LARGE1: variants seen among roughly 807,000 people sequenced by gnomAD.
LARGE1 encodes the protein LARGE xylosyl- and glucuronyltransferase 1, also known as xylosyl- and glucuronyltransferase LARGE1.
LARGE1 carries 43 observed loss-of-function variants against 87.6 expected under a neutral mutation model. The observed-to-expected ratio is 0.49, with a 90% confidence interval of 0.38 to 0.63. The LOEUF (loss-of-function observed/expected upper bound fraction) is 0.63. LARGE1 is among the 30% of genes least tolerant of loss of function. The pLI, the probability that LARGE1 is intolerant of heterozygous loss-of-function variation, is 0.00. For missense variants in LARGE1, 802 were observed against 1,000.2 expected (o/e 0.80, Z 2.67); for synonymous variants, 434 against 394.6 (o/e 1.10, Z -1.18).
At position 33,283,437 on chromosome 22, in the gene LARGE1, G is replaced by A. The variant is rs1602230750; in HGVS notation, c.1731-89C>T. The A allele has an allele frequency of 3.3e-5, 47 of 1,417,542 alleles. No homozygotes were observed. The South Asian group carries it at 3.4e-4, about 10-fold the overall frequency. 87.8% of individuals were successfully genotyped at this position (1,417,542 alleles called of 1,614,324 possible). A position where few individuals can be genotyped will look rare whatever the true frequency, so the allele number is the denominator to read the frequency against. ...ATGAGGGCGGGGTGGTCATTGGCCC[G>A]GGGAAGTGTGGGAAAGAAAGCTCAG... is the stretch of plus-strand genomic sequence containing the variant. On this transcript the variant is annotated intron_variant, in intron 12 of 14. Transcript: ENST00000397394.
intron 2 of LARGE1, among the ~76,000 whole-genome samples, chr22:33,670,814 G>C (rs2081385375): frequency 6.6e-6 from 1 of 152,112 alleles, no homozygotes; most frequent in Admixed American, 6.6e-5. Flanking sequence ...AAATAAATGT[G>C]GATAAGAGTG....
chr22:33,835,467 G>A (rs773208386), intron 1 of LARGE1, among the ~76,000 whole-genome samples: 1 of 152,110 alleles, frequency 6.6e-6, no homozygotes, highest in Non-Finnish European at 1.5e-5. Context: ...TTAATGCATC[G>A]GATGGCATTC....
intron 7 of LARGE1, among the ~76,000 whole-genome samples, chr22:33,415,155 C>A (rs1485925256): frequency 6.6e-6 from 1 of 152,196 alleles, no homozygotes; most frequent in Non-Finnish European, 1.5e-5. Flanking sequence ...CCCAGCTGCA[C>A]AAAGGCAGAT....
At chr22:33,364,148 G>A (rs936602390) in intron 9 of LARGE1, among the ~76,000 whole-genome samples, 4 of 151,714 alleles carry the variant, frequency 2.6e-5, no homozygotes, top group African/African-American at 7.3e-5. Context: ...TCCGCCCCCC[G>A]GGTTCACGCC....
intron 13 of LARGE1, among the ~76,000 whole-genome samples, chr22:33,279,969 G>A (rs974241763): frequency 6.6e-5 from 10 of 152,190 alleles, no homozygotes; most frequent in Admixed American, 2.0e-4. Context: ...TTAATTAGCC[G>A]TTAATTTCCT....
chr22:33,245,507 TTTGA>T (rs1309056220), intron 11 of LARGE1, among the ~76,000 whole-genome samples: 2 of 152,226 alleles, frequency 1.3e-5, no homozygotes, highest in East Asian at 1.9e-4. Context: ...TAGCCATTAG[TTTGA>T]TTGTGCTTTG....
chr22:33,481,566 T>C (rs1359936184), intron 6 of LARGE1, among the ~76,000 whole-genome samples: 1 of 152,174 alleles, frequency 6.6e-6, no homozygotes, highest in East Asian at 1.9e-4. Context: ...TCATTTGTCT[T>C]CTTGTCAAAC....
intron 1 of LARGE1, among the ~76,000 whole-genome samples, chr22:33,840,118 A>C (rs2063233910): frequency 6.6e-6 from 1 of 152,242 alleles, no homozygotes; most frequent in Admixed American, 6.5e-5. Context: ...CAGGAAATGC[A>C]CACCCATACT....
intron 9 of LARGE1, among the ~76,000 whole-genome samples, chr22:33,350,384 G>T (rs184012065): frequency 1.3e-5 from 2 of 152,316 alleles, no homozygotes; most frequent in East Asian, 3.9e-4. Flanking sequence ...GTGATAACCA[G>T]CCCGTATTCT....
intron 1 of LARGE1, among the ~76,000 whole-genome samples, chr22:33,889,942 C>CAG (rs1354389793): frequency 2.6e-5 from 4 of 152,216 alleles, no homozygotes; most frequent in African/African-American, 9.6e-5. Flanking sequence ...GAGGAACACA[C>CAG]AGGCAAATGC....
At chr22:33,499,139 C>A (rs1288002427) in intron 6 of LARGE1, among the ~76,000 whole-genome samples, 2 of 152,178 alleles carry the variant, frequency 1.3e-5, no homozygotes, top group Non-Finnish European at 2.9e-5. Flanking sequence ...ACCTTCCACA[C>A]CTTGAGGCTG....
At chr22:33,765,097 T>TAAA (rs2084859020) in intron 1 of LARGE1, among the ~76,000 whole-genome samples, 5 of 152,324 alleles carry the variant, frequency 3.3e-5, no homozygotes, top group Non-Finnish European at 7.3e-5. Context: ...ATATAGCTGC[T>TAAA]TATGTAATTC....
intron 1 of LARGE1, among the ~76,000 whole-genome samples, chr22:33,868,371 T>A (rs987738496): frequency 2.4e-4 from 36 of 152,216 alleles, no homozygotes; most frequent in Non-Finnish European, 4.0e-4. Context: ...AAAATGCCTG[T>A]CTTGAATACC....
intron 1 of LARGE1, among the ~76,000 whole-genome samples, chr22:33,819,818 G>T (rs1188557207): frequency 2.0e-5 from 3 of 152,194 alleles, no homozygotes; most frequent in African/African-American, 7.2e-5. Context: ...TGGGCCATTT[G>T]TGGACAGCTA....
At chr22:33,215,589 T>C (rs923792276) in intron 11 of LARGE1, among the ~76,000 whole-genome samples, 1 of 152,234 alleles carries the variant, frequency 6.6e-6, no homozygotes, top group Non-Finnish European at 1.5e-5. Flanking sequence ...AAACTGTCAA[T>C]AATCTCCTTT....
intron 6 of LARGE1, among the ~76,000 whole-genome samples, chr22:33,553,562 C>A (rs1023475850): frequency 1.3e-5 from 2 of 152,088 alleles, no homozygotes; most frequent in Non-Finnish European, 2.9e-5. Flanking sequence ...TTAATAACAG[C>A]AGAAGCTAAC....
At chr22:33,247,369 G>A (rs190337269) in intron 11 of LARGE1, among the ~76,000 whole-genome samples, 5 of 152,252 alleles carry the variant, frequency 3.3e-5, no homozygotes, top group Admixed American at 6.5e-5. Flanking sequence ...ATATTAGAAT[G>A]TCTTAAGAAG....
chr22:33,494,537 T>C (rs1284646143), intron 6 of LARGE1, among the ~76,000 whole-genome samples: 1 of 151,868 alleles, frequency 6.6e-6, no homozygotes, highest in African/African-American at 2.4e-5. Context: ...TATTCTATTT[T>C]AATTGGTTAG....
At chr22:33,266,519 G>A (rs952608425) in intron 11 of LARGE1, among the ~76,000 whole-genome samples, 1 of 151,648 alleles carries the variant, frequency 6.6e-6, no homozygotes, top group African/African-American at 2.4e-5. Flanking sequence ...CCACAGTGCC[G>A]AGCCAGGGCT....
Sources: gnomAD v4.1 joint callset for allele counts (sites outside exome capture counted in the v4.1 genomes callset) on GRCh38, gnomAD v4.1.1 for gene constraint, MANE v1.5 for transcripts, NCBI Gene and HGNC (gene_info 2026-07-23, HGNC 2026-07-21) for gene names.